PCDHGC5: variants seen among roughly 807,000 people sequenced by gnomAD.
PCDHGC5 encodes the protein protocadherin gamma-C5.
In PCDHGC5, 25 loss-of-function variants were observed where a neutral mutation model predicts 59.0. That is an observed-to-expected ratio of 0.42 (90% CI 0.31 to 0.59). The LOEUF (loss-of-function observed/expected upper bound fraction) is 0.59. Ranked by LOEUF, PCDHGC5 falls within the 20% of genes least tolerant of loss-of-function variation. The pLI, the probability that PCDHGC5 is intolerant of heterozygous loss-of-function variation, is 0.13. For missense variants in PCDHGC5, 1,067 were observed against 1,206.4 expected (o/e 0.88, Z 1.71); for synonymous variants, 434 against 505.5 (o/e 0.86, Z 1.90).
intron 2 of PCDHGC5, among the ~76,000 whole-genome samples, chr5:141,504,288 G>GT (rs1175142876): frequency 6.6e-6 from 1 of 152,124 alleles, no homozygotes; most frequent in African/African-American, 2.4e-5. Context: ...ATCATTTCAT[G>GT]TTTTTTCAAC....
rs2099695710 is a variant in PCDHGC5, at chr5:141,490,068, A to G, written c.828A>G (p.Gln276=). Residue 276 remains glutamine, a synonymous_variant, in exon 1 of 4, where the codon CAA becomes CAG. Coordinates refer to ENST00000252087, the MANE Select transcript of PCDHGC5 (RefSeq NM_018929.3). This position sits in a 1 kb window ranked among gnomAD's most constrained non-coding sequence, Gnocchi z 5.4. ...ATDPDEGTNG[Q]LDYSFGDHTS... ...ATCCAGACGAGGGCACCAACGGCCA[A>G]CTAGACTATTCTTTTGGAGACCACA... is the stretch of plus-strand genomic sequence containing the variant. 2 of 1,614,152 alleles carry G rather than the reference A, an allele frequency of 1.2e-6. No homozygotes were observed. The highest frequency in any genetic ancestry group is 1.6e-4 in the Middle Eastern group (1 of 6,084).
Position 141,491,349 on chromosome 5 carries a change from C to G in PCDHGC5, c.2109C>G (p.Leu703=). 6.2e-7 allele frequency: 1 copy of G among 1,614,168 alleles called. No individual in the cohort carries two copies. Among genetic ancestry groups the G allele is most frequent in the Non-Finnish European group, 8.5e-7 (1 of 1,180,016 alleles). ...TTGTGGCTCTAGCGACCGTCAGTCT[C>G]TTATCCCTAGTCACCTTCACCTTTC... is the stretch of plus-strand genomic sequence containing the variant. ...YLIVALATVS[L]LSLVTFTFLS... is the part of the protein sequence containing the mutation. The change falls in exon 1 of 4, where the codon CTC becomes CTG. Residue 703 remains leucine, a synonymous_variant. Transcript: ENST00000252087. The surrounding 1 kb of genome is among the most constrained non-coding windows in gnomAD (Gnocchi z 6.9).
chr5:141,494,441 C>T (rs1187169994), intron 1 of PCDHGC5, among the ~76,000 whole-genome samples: 2 of 152,154 alleles, frequency 1.3e-5, no homozygotes, highest in African/African-American at 4.8e-5. Context: ...TCCTTTGCCA[C>T]TTTAGGGGGC....
intron 1 of PCDHGC5, 97 bp from the exon 2 acceptor site, chr5:141,494,710 C>G: frequency 6.2e-7 from 1 of 1,600,966 alleles, no homozygotes; most frequent in Admixed American, 1.7e-5. Context: ...TCTCTGTGCC[C>G]ACTCCCCTCC....
chr5:141,502,238 T>C (rs2099813398), intron 2 of PCDHGC5, among the ~76,000 whole-genome samples: 1 of 152,204 alleles, frequency 6.6e-6, no homozygotes, highest in Admixed American at 6.5e-5. Flanking sequence ...TGTGTTCTTT[T>C]ATCCTTTTTT....
chr5:141,500,618 C>T (rs554274946), intron 2 of PCDHGC5, among the ~76,000 whole-genome samples: 1 of 152,262 alleles, frequency 6.6e-6, no homozygotes, highest in South Asian at 2.1e-4. Flanking sequence ...CCCAGTCATA[C>T]GGTACATTTC....
chr5:141,499,599 C>G (rs2099792919), intron 2 of PCDHGC5, among the ~76,000 whole-genome samples: 2 of 152,102 alleles, frequency 1.3e-5, no homozygotes, highest in South Asian at 4.1e-4. Context: ...TCACCTATAT[C>G]CCTACCCTTA....
In PCDHGC5 at chr5:141,494,027, G is replaced by A. The variant is rs77020157; in HGVS notation, c.2461-780G>A. 1.5e-4 allele frequency among the ~76,000 whole-genome samples: 23 copies of A among 152,298 alleles called. No homozygotes were observed. In the East Asian group the frequency reaches 3.3e-3, roughly 22 times the overall value. ...ACACATCAGCCCCTTGGGAGCCCTGGAGACTTAGTTGGCCCTGCTTGGAGG... is the reference window on the plus strand; with the variant it reads ...ACACATCAGCCCCTTGGGAGCCCTGAAGACTTAGTTGGCCCTGCTTGGAGG... On this transcript the variant is annotated intron_variant, in intron 1 of 3. Coordinates refer to ENST00000252087, the MANE Select transcript of PCDHGC5 (RefSeq NM_018929.3).
chr5:141,510,958 G>A lies in PCDHGC5; in HGVS notation c.2620G>A (p.Gly874Arg). 6.2e-7 allele frequency: 1 copy of A among 1,614,130 alleles called. No homozygotes were observed. Among genetic ancestry groups the A allele is most frequent in the Non-Finnish European group, 8.5e-7 (1 of 1,180,012 alleles). The change falls in exon 4 of 4, where the codon GGG becomes AGG. Residue 874 changes from glycine to arginine, a missense_variant. Transcript: ENST00000252087. The stretch of plus-strand genomic sequence containing the variant: ...CTCTGTCTCTGCAGAAGCTGCTGAT[G>A]GGAGCTCCACCCTGGGAGGGGGTGC... ...ILASASEAAD[G>R]SSTLGGGAGT...
chr5:141,494,729 C>T (rs2099756368), intron 1 of PCDHGC5, 78 bp from the exon 2 acceptor site: 31 of 1,610,050 alleles, frequency 1.9e-5, no homozygotes, highest in Admixed American at 3.3e-5. Flanking sequence ...CCTTCTCTCC[C>T]GGCCCATCCC....
At position 141,494,787 on chromosome 5, in the gene PCDHGC5, T is replaced by G. The variant is rs763990551; in HGVS notation, c.2461-20T>G. The G allele has an allele frequency of 6.2e-7, 1 of 1,614,044 alleles. No individual in the cohort carries two copies. Among genetic ancestry groups the G allele is most frequent in the Non-Finnish European group, 8.5e-7 (1 of 1,179,990 alleles). On this transcript the variant is annotated intron_variant, in intron 1 of 3. Transcript: ENST00000252087. ...ACTTCTCACGGGTACTCAGCCCCTT[T>G]CCCTCTGTTTTCTCCACAGCAAGCC...
At chr5:141,510,845 C>T (rs2099883036) in intron 3 of PCDHGC5, 102 bp from the exon 4 acceptor site, 3 of 1,593,960 alleles carry the variant, frequency 1.9e-6, no homozygotes, top group Non-Finnish European at 2.6e-6. Context: ...TGGTCAAGGC[C>T]CAGGGTGCTG....
At chr5:141,500,699 A>G (rs780869966) in intron 2 of PCDHGC5, among the ~76,000 whole-genome samples, 1 of 152,156 alleles carries the variant, frequency 6.6e-6, no homozygotes, top group Non-Finnish European at 1.5e-5. Context: ...TCTTCTTTGC[A>G]GTGTATCATG....
At chr5:141,501,510 T>A (rs11744379) in intron 2 of PCDHGC5, among the ~76,000 whole-genome samples, 1 of 151,824 alleles carries the variant, frequency 6.6e-6, no homozygotes, top group African/African-American at 2.4e-5. Flanking sequence ...CTCCAAGGCC[T>A]CCAAGCTGAA....
rs774079222 is a variant in PCDHGC5 at position 141,491,314 on chromosome 5, C to T, written c.2074C>T (p.Leu692Phe). Residue 692 changes from leucine (L) to phenylalanine (F), a missense_variant, in exon 1 of 4, where the codon CTT becomes TTT. Coordinates refer to ENST00000252087, the MANE Select transcript of PCDHGC5 (RefSeq NM_018929.3). This position sits in a 1 kb window ranked among gnomAD's most constrained non-coding sequence, Gnocchi z 6.9. ...CCCTCCTGAGCGTTCAGACCTTACC[C>T]TTTACCTCATTGTGGCTCTAGCGAC... ...IHPPERSDLT[L>F]YLIVALATVS... The T allele has an allele frequency of 1.9e-6, 3 of 1,614,182 alleles. No individual in the cohort carries two copies. In the South Asian group the frequency reaches 3.3e-5, roughly 18 times the overall value.
chr5:141,496,287 C>T (rs768553690), intron 2 of PCDHGC5, among the ~76,000 whole-genome samples: 3 of 152,200 alleles, frequency 2.0e-5, no homozygotes, highest in Non-Finnish European at 4.4e-5. Flanking sequence ...TTGGTCTGAG[C>T]AGAGTGGGAT....
At chr5:141,492,256 A>G (rs1323720621) in intron 1 of PCDHGC5, among the ~76,000 whole-genome samples, 1 of 151,974 alleles carries the variant, frequency 6.6e-6, no homozygotes, top group Non-Finnish European at 1.5e-5. Context: ...CGGCCCACAC[A>G]AGTTGCACGG....
At position 141,493,904 on chromosome 5, in the gene PCDHGC5, G is replaced by A. The variant is rs1204744465; in HGVS notation, c.2461-903G>A. Among the ~76,000 whole-genome samples, 1 of 152,216 alleles carries A rather than the reference G, an allele frequency of 6.6e-6. No individual in the cohort carries two copies. Among genetic ancestry groups the A allele is most frequent in the Non-Finnish European group, 1.5e-5 (1 of 68,028 alleles). On this transcript the variant is annotated intron_variant, in intron 1 of 3. Transcript: ENST00000252087. The surrounding 1 kb of genome is among the most constrained non-coding windows in gnomAD (Gnocchi z 4.3). ...GGCTCTAGGAGTGCTCCATGAGAGT[G>A]TGTGATGGGATAACACACCCCCTGG...
rs949391796 is a variant in PCDHGC5 at position 141,493,050 on chromosome 5, A to G, written c.2460+1350A>G. 6.6e-6 allele frequency among the ~76,000 whole-genome samples: 1 copy of G among 152,262 alleles called. No homozygotes were observed. The highest frequency in any genetic ancestry group is 2.4e-5 in the African/African-American group (1 of 41,464). On this transcript the variant is annotated intron_variant, in intron 1 of 3. Coordinates refer to ENST00000252087, the MANE Select transcript of PCDHGC5 (RefSeq NM_018929.3). The surrounding 1 kb of genome is among the most constrained non-coding windows in gnomAD (Gnocchi z 4.3). Reference sequence around the variant, plus strand: ...CCCTTATGTGTGAGGAAACTACAATAGTAAAAAACACAAGTTTCTCCAACT... The same window carrying G: ...CCCTTATGTGTGAGGAAACTACAATGGTAAAAAACACAAGTTTCTCCAACT...
Sources: gnomAD v4.1 joint callset for allele counts (sites outside exome capture counted in the v4.1 genomes callset) on GRCh38, gnomAD v4.1.1 for gene constraint, Gnocchi (gnomAD v3.1) non-coding constraint, MANE v1.5 for transcripts, NCBI Gene and HGNC (gene_info 2026-07-23, HGNC 2026-07-21) for gene names.